CACNB4: variants seen among roughly 807,000 people sequenced by gnomAD.
The protein encoded by CACNB4 is calcium voltage-gated channel auxiliary subunit beta 4.
CACNB4 carries 32 observed loss-of-function variants against 71.2 expected under a neutral mutation model. That is an observed-to-expected ratio of 0.45 (90% CI 0.34 to 0.60). The LOEUF (loss-of-function observed/expected upper bound fraction) is 0.60, where lower values mean the gene tolerates loss of function less well. Ranked by LOEUF, CACNB4 falls within the 20% of genes least tolerant of loss-of-function variation. CACNB4 has a pLI of 0.01. For missense variants in CACNB4, 464 were observed against 647.9 expected (o/e 0.72, Z 3.08); for synonymous variants, 231 against 236.9 (o/e 0.97, Z 0.23).
chr2:151,839,310 A>T lies in CACNB4; in HGVS notation c.1372T>A (p.Ser458Thr). The T allele has an allele frequency of 6.2e-7, 1 of 1,613,312 alleles. No individual in the cohort carries two copies. Among genetic ancestry groups the T allele is most frequent in the Non-Finnish European group, 8.5e-7 (1 of 1,179,300 alleles). ...CTTTCATTGTGATAATTTTCATCAG[A>T]GGTCATTAGACTTCGTCTTTCAATT... ...SPIERRSLMTSDENYHNERAR... is the reference protein window; with the variant it reads ...SPIERRSLMTTDENYHNERAR... Residue 458 changes from serine to threonine, a missense_variant, in exon 14 of 14, where the codon TCT becomes ACT. Transcript: ENST00000539935.
intron 2 of CACNB4, among the ~76,000 whole-genome samples, chr2:151,915,973 C>G (rs2099857406): frequency 1.2e-5 from 1 of 82,446 alleles, no homozygotes. Context: ...GCTCACTCAC[C>G]ACCTCCCTTG....
intron 12 of CACNB4, among the ~76,000 whole-genome samples, chr2:151,844,611 AAC>A (rs1321985232): frequency 1.3e-5 from 2 of 152,208 alleles, no homozygotes; most frequent in African/African-American, 2.4e-5. Context: ...GTAAAAGTTC[AAC>A]AGTTACAAAT....
In CACNB4 at chr2:152,098,093, T is replaced by C. The variant is rs891318948; in HGVS notation, c.147+237A>G. ...CTTAAGCCAGGTCCCCACCGAACTG[T>C]CCACACACATGCACAAACTAACTTC... On this transcript the variant is annotated intron_variant, in intron 2 of 13. Transcript: ENST00000539935. This position sits in a 1 kb window ranked among gnomAD's most constrained non-coding sequence, Gnocchi z 5.3. Among the ~76,000 whole-genome samples, 1 of 152,174 alleles carries C rather than the reference T, an allele frequency of 6.6e-6. No individual in the cohort carries two copies. Among genetic ancestry groups the C allele is most frequent in the Non-Finnish European group, 1.5e-5 (1 of 68,026 alleles).
intron 10 of CACNB4, chr2:151,858,394 C>A (rs1284229393): frequency 6.6e-6 from 1 of 152,190 alleles, no homozygotes; most frequent in Non-Finnish European, 1.5e-5. Context: ...TACTCTGGAA[C>A]AATAATCTCA....
In CACNB4 at chr2:151,833,307, C is replaced by T. The variant is rs2099834202; in HGVS notation, c.*5812G>A. 1 of 152,066 alleles carries T rather than the reference C, an allele frequency of 6.6e-6. No homozygotes were observed. The highest frequency in any genetic ancestry group is 2.4e-5 in the African/African-American group (1 of 41,446). 9.4% of individuals were successfully genotyped at this position (152,066 alleles called of 1,614,324 possible). On this transcript the variant is annotated 3_prime_UTR_variant, in exon 14 of 14. Coordinates refer to ENST00000539935, the MANE Select transcript of CACNB4 (RefSeq NM_000726.5). ...ACAAAAACACAGCTAATGGCTTTAA[C>T]TTATGTTTCAAAGTAGTATTCAGTA...
At chr2:152,009,086 G>A (rs1579118890) in intron 2 of CACNB4, among the ~76,000 whole-genome samples, 2 of 152,116 alleles carry the variant, frequency 1.3e-5, no homozygotes, top group South Asian at 2.1e-4. Context: ...AGCACTTTGG[G>A]AGGCTGAGGT....
intron 2 of CACNB4, among the ~76,000 whole-genome samples, chr2:152,010,315 G>A (rs144351123): frequency 4.6e-5 from 7 of 152,294 alleles, no homozygotes; most frequent in East Asian, 1.9e-4. Flanking sequence ...CATGGCAAGC[G>A]TGTTATTATC....
At chr2:151,948,742 T>C (rs142925178) in intron 2 of CACNB4, among the ~76,000 whole-genome samples, 96 of 152,254 alleles carry the variant, frequency 6.3e-4, no homozygotes, top group African/African-American at 2.2e-3. Flanking sequence ...CTTGGGTATT[T>C]TGAAACTACT....
In CACNB4 at chr2:151,880,875, G is replaced by C. The variant is rs748422887; in HGVS notation, c.315C>G (p.Gly105=). 6.2e-7 allele frequency: 1 copy of C among 1,613,540 alleles called. No homozygotes were observed. Among genetic ancestry groups the C allele is most frequent in the South Asian group, 1.1e-5 (1 of 90,974 alleles). ...GAACAGGCACATCCTCGTCCAGGGC[G>C]CCGCAGTAGCTCACATTTGTCTTCA... ...FAVKTNVSYC[G]ALDEDVPVPS... The change falls in exon 4 of 14, where the codon GGC becomes GGG. Residue 105 remains glycine (G), a synonymous_variant. Coordinates refer to ENST00000539935, the MANE Select transcript of CACNB4 (RefSeq NM_000726.5).
intron 4 of CACNB4, among the ~76,000 whole-genome samples, chr2:151,878,784 A>G (rs925164468): frequency 1.1e-4 from 16 of 152,150 alleles, no homozygotes; most frequent in African/African-American, 3.9e-4. Context: ...GTGCACCTGT[A>G]GTCCTAGCTA....
At chr2:151,893,220 T>C (rs2099851169) in intron 2 of CACNB4, among the ~76,000 whole-genome samples, 2 of 151,138 alleles carry the variant, frequency 1.3e-5, no homozygotes, top group Non-Finnish European at 3.0e-5. Flanking sequence ...GCTAGCCAAC[T>C]GGAAAAAAAA....
chr2:152,055,439 A>T (rs1270785581), intron 2 of CACNB4, among the ~76,000 whole-genome samples: 1 of 152,166 alleles, frequency 6.6e-6, no homozygotes, highest in Non-Finnish European at 1.5e-5. Flanking sequence ...AACTTTAAAC[A>T]AGCTTTTTTC....
Position 151,870,580 on chromosome 2 carries a change from G to A in CACNB4, c.650C>T (p.Pro217Leu). The change falls in exon 8 of 14, where the codon CCG (proline) becomes CTG (leucine). Residue 217 changes from proline to leucine, a missense_variant. This residue lies in a region of CACNB4 where 299 missense variants were observed against 471.7 expected (regional missense o/e 0.63). Coordinates refer to ENST00000539935, the MANE Select transcript of CACNB4 (RefSeq NM_000726.5). ...TEHIPPYDVV[P>L]SMRPVVLVGP... ...CACTAACACCACCGGACGCATTGACGGTACAACATCGTAAGGAGGAATGTG... is the reference window on the plus strand; with the variant it reads ...CACTAACACCACCGGACGCATTGACAGTACAACATCGTAAGGAGGAATGTG... 1 of 1,613,772 alleles carries A rather than the reference G, an allele frequency of 6.2e-7. No homozygotes were observed.
chr2:151,982,966 T>C (rs962614088), intron 2 of CACNB4, among the ~76,000 whole-genome samples: 1 of 152,174 alleles, frequency 6.6e-6, no homozygotes, highest in Non-Finnish European at 1.5e-5. Flanking sequence ...CACTAGGTTA[T>C]ACTGTTTCTT....
At chr2:151,960,834 C>T (rs1451957977) in intron 2 of CACNB4, among the ~76,000 whole-genome samples, 1 of 152,192 alleles carries the variant, frequency 6.6e-6, no homozygotes, top group Non-Finnish European at 1.5e-5. Flanking sequence ...ATTAGTTTCA[C>T]TTGTTTCCCC....
intron 2 of CACNB4, among the ~76,000 whole-genome samples, chr2:151,982,360 A>G (rs1042608604): frequency 2.0e-5 from 3 of 152,084 alleles, no homozygotes; most frequent in African/African-American, 4.8e-5. Flanking sequence ...CCAGCCGGGC[A>G]CAGTGGCTCA....
Position 151,833,791 on chromosome 2 carries a change from T to C in CACNB4, c.*5328A>G, listed in dbSNP as rs1429946808. Reference sequence around the variant, plus strand: ...AATGTGCTTCTTTCTCCTCAATCTATTTTTATATTATTGGCAAAATATATA... The same window carrying C: ...AATGTGCTTCTTTCTCCTCAATCTACTTTTATATTATTGGCAAAATATATA... On this transcript the variant is annotated 3_prime_UTR_variant, in exon 14 of 14. Transcript: ENST00000539935. The C allele has an allele frequency of 1.3e-5, 2 of 152,130 alleles. No individual in the cohort carries two copies. The highest frequency in any genetic ancestry group is 2.9e-5 in the Non-Finnish European group (2 of 67,944). 9.4% of individuals were successfully genotyped at this position (152,130 alleles called of 1,614,324 possible).
intron 13 of CACNB4, among the ~76,000 whole-genome samples, chr2:151,840,945 T>C (rs1233449014): frequency 1.3e-5 from 2 of 152,184 alleles, no homozygotes; most frequent in Admixed American, 6.5e-5. Flanking sequence ...TTTTGTACCA[T>C]AAGGTCTCTG....
At chr2:152,085,829 CAA>C (rs1687633416) in intron 2 of CACNB4, among the ~76,000 whole-genome samples, 1 of 136,126 alleles carries the variant, frequency 7.3e-6, no homozygotes. Context: ...AAAAAAAAAA[CAA>C]ACAAACAAAA....
Sources: allele counts gnomAD v4.1 joint callset (sites outside exome capture counted in the v4.1 genomes callset), GRCh38; gene constraint gnomAD v4.1.1; regional missense constraint gnomAD v4.1.1; non-coding constraint Gnocchi (gnomAD v3.1); transcripts MANE v1.5; gene names NCBI Gene and HGNC (gene_info 2026-07-23, HGNC 2026-07-21).